The following TRMT2B variants were observed in gnomAD, a reference collection of about 807,000 sequenced individuals.
The protein encoded by TRMT2B is tRNA methyltransferase 2B, also known as tRNA (uracil-5-)-methyltransferase homolog B.
In TRMT2B, 34 loss-of-function variants were observed where a neutral mutation model predicts 39.7. The observed-to-expected ratio is 0.86, with a 90% CI of 0.65 to 1.14. The LOEUF (loss-of-function observed/expected upper bound fraction) is 1.14, where lower values mean the gene tolerates loss of function less well. Ranked by LOEUF, TRMT2B falls within the 50% of genes most tolerant of loss-of-function variation. The pLI is 0.00. For synonymous variants in TRMT2B, 132 were observed against 137.3 expected (o/e 0.96, Z 0.27); for missense variants, 318 against 377.2 (o/e 0.84, Z 1.30).
chrX:101,012,457 T>C (rs2086298144), intron 13 of TRMT2B, among the ~76,000 whole-genome samples: 2 of 104,559 alleles, frequency 1.9e-5, no homozygotes, highest in Non-Finnish European at 3.9e-5. Flanking sequence ...TATCTCCCAA[T>C]GCTATCCCTC....
At chrX:100,993,778 C>A in the TRMT2B span, among the ~76,000 whole-genome samples, 1 of 111,773 alleles carries the variant, frequency 8.9e-6, no homozygotes, top group Non-Finnish European at 1.9e-5. Flanking sequence ...GAAAAAAAAT[C>A]TCTTTTTGAG....
chrX:100,979,522 C>T, the TRMT2B span, among the ~76,000 whole-genome samples: 1 of 111,620 alleles, frequency 9.0e-6, no homozygotes, highest in Non-Finnish European at 1.9e-5. Context: ...TTATCTTGGA[C>T]TTCACTGACC....
At chrX:101,015,464 T>C (rs1245781735) in intron 13 of TRMT2B, among the ~76,000 whole-genome samples, 3 of 111,489 alleles carry the variant, frequency 2.7e-5, no homozygotes, top group African/African-American at 9.8e-5. Context: ...ATCTGAGGTA[T>C]AAAAAGAAGT....
At chrX:101,050,520 T>C (rs2088997401) in intron 2 of TRMT2B, among the ~76,000 whole-genome samples, 2 of 102,382 alleles carry the variant, frequency 2.0e-5, no homozygotes, top group Non-Finnish European at 3.9e-5. Context: ...AGCTCAGGAG[T>C]TTGAGACCAA....
Position 101,010,572 on chromosome X carries a change from G to A in TRMT2B, c.*9C>T. The stretch of plus-strand genomic sequence containing the variant: ...TTAACAAATAGCCTGCTGTCTTCTA[G>A]GAGGCTGCTTATCGAGTAAAGAGGA... On this transcript the variant is annotated 3_prime_UTR_variant, in exon 14 of 14. Transcript: ENST00000372936. The A allele has an allele frequency of 1.7e-6, 2 of 1,210,850 alleles. No individual in the cohort carries two copies. The highest frequency in any genetic ancestry group is 2.2e-6 in the Non-Finnish European group (2 of 895,127).
chrX:101,043,128 T>C (rs1399485865), intron 2 of TRMT2B, among the ~76,000 whole-genome samples: 1 of 107,841 alleles, frequency 9.3e-6, no homozygotes, highest in Non-Finnish European at 1.9e-5. Flanking sequence ...TAGCTGGGTG[T>C]GGTGGTGCAT....
chrX:101,050,932 C>T (rs28503697), intron 2 of TRMT2B, among the ~76,000 whole-genome samples: 4,423 of 108,155 alleles, frequency 0.041, 254 homozygotes, highest in African/African-American at 0.14. Context: ...ATCCTAGCTA[C>T]TCCAGAGGCT....
At chrX:100,973,674 A>G in the TRMT2B span, 22 of 1,206,785 alleles carry the variant, frequency 1.8e-5, no homozygotes, top group East Asian at 5.3e-4. Context: ...TTAATATTTA[A>G]GAACTAAGAT....
intron 7 of TRMT2B, 93 bp downstream of exon 7, chrX:101,035,520 T>G (rs997157195): frequency 1.6e-5 from 12 of 767,682 alleles, no homozygotes; most frequent in Admixed American, 4.5e-5. Context: ...CCTCTAGCAC[T>G]AGAATTGGCT....
Position 101,010,711 on chromosome X carries a change from T to C in TRMT2B, c.1389-4A>G. 1.7e-6 allele frequency: 2 copies of C among 1,207,820 alleles called. No individual in the cohort carries two copies. The highest frequency in any genetic ancestry group is 2.2e-6 in the Non-Finnish European group (2 of 893,775). On this transcript the variant is annotated splice_polypyrimidine_tract_variant and splice_region_variant and intron_variant, in intron 13 of 13. Transcript: ENST00000372936. Reference sequence around the variant, plus strand: ...AGGGTCTGGAGGACAGCACAGCCTGTAGAAACAGAACATAGCATCAGTTCC... The same window carrying C: ...AGGGTCTGGAGGACAGCACAGCCTGCAGAAACAGAACATAGCATCAGTTCC...
At chrX:101,002,180 A>G in the TRMT2B span, among the ~76,000 whole-genome samples, 4 of 111,454 alleles carry the variant, frequency 3.6e-5, no homozygotes, top group Admixed American at 9.6e-5. Context: ...TTCACGGGAC[A>G]GGCCAGGAGC....
chrX:100,987,457 G>A, the TRMT2B span: 1 of 1,211,091 alleles, frequency 8.3e-7, no homozygotes, highest in Non-Finnish European at 1.1e-6. Flanking sequence ...GGACTGCGCT[G>A]GCTATTAGCT....
chrX:101,042,472 T>C (rs2088299111), intron 2 of TRMT2B, among the ~76,000 whole-genome samples, 160 bp from the exon 3 acceptor site: 1 of 112,655 alleles, frequency 8.9e-6, no homozygotes, highest in Admixed American at 9.5e-5. Context: ...AATTACTGTA[T>C]GCAAGGTATG....
At chrX:101,033,256 C>CA (rs748471263) in intron 7 of TRMT2B, among the ~76,000 whole-genome samples, 6,574 of 58,086 alleles carry the variant, frequency 0.11, 276 homozygotes, top group Admixed American at 0.17. Flanking sequence ...AACTCCAAGT[C>CA]AAAAAAAAAA....
chrX:101,022,803 TA>T (rs2148015553), intron 8 of TRMT2B, among the ~76,000 whole-genome samples: 1 of 110,590 alleles, frequency 9.0e-6, no homozygotes, highest in South Asian at 3.9e-4. Context: ...TCTCAAAATA[TA>T]AAAAATAAAA....
Position 101,019,004 on chromosome X carries a change from T to C in TRMT2B, c.1355A>G (p.Lys452Arg), listed in dbSNP as rs966490189. The change falls in exon 13 of 14, where the codon AAG (lysine) becomes AGG (arginine). Residue 452 changes from lysine (K) to arginine (R), a missense_variant. Coordinates refer to ENST00000372936, the MANE Select transcript of TRMT2B (RefSeq NM_024917.6). ...ATTCCTAGTGGATTCACCATGGAGC[T>C]TGCAGGAAACAAAAACTAGCGTGTG... ...AIHTLVFVSCKLHGESTRNVI... is the reference protein window; with the variant it reads ...AIHTLVFVSCRLHGESTRNVI... The C allele has an allele frequency of 3.3e-6, 4 of 1,206,459 alleles. No individual in the cohort carries two copies. In the African/African-American group the frequency reaches 7.0e-5, roughly 21 times the overall value.
intron 8 of TRMT2B, among the ~76,000 whole-genome samples, chrX:101,022,494 G>A (rs1380556096): frequency 9.0e-6 from 1 of 110,754 alleles, no homozygotes; most frequent in African/African-American, 3.3e-5. Flanking sequence ...GCTGGCACGT[G>A]CCTGTAATCC....
intron 7 of TRMT2B, among the ~76,000 whole-genome samples, chrX:101,024,523 C>CA (rs1340650638): frequency 9.1e-6 from 1 of 110,215 alleles, no homozygotes; most frequent in East Asian, 2.8e-4. Flanking sequence ...GGCCTGTCTA[C>CA]AAAAAATAAA....
At chrX:100,975,360 A>G in the TRMT2B span, among the ~76,000 whole-genome samples, 3 of 111,639 alleles carry the variant, frequency 2.7e-5, no homozygotes, top group Non-Finnish European at 3.8e-5. Context: ...TGACCTCAGG[A>G]AAGCCTTCCC....
Sources: gnomAD v4.1 joint callset for allele counts (sites outside exome capture counted in the v4.1 genomes callset) on GRCh38, gnomAD v4.1.1 for gene constraint, MANE v1.5 for transcripts, NCBI Gene and HGNC (gene_info 2026-07-23, HGNC 2026-07-21) for gene names.